Variants in FOXO3 observed in about 807,000 individuals in gnomAD.
The protein encoded by FOXO3 is forkhead box protein O3.
In FOXO3, 4 loss-of-function variants were observed where a neutral mutation model predicts 41.9. The ratio of observed to expected loss-of-function variants is 0.10; its 90% CI spans 0.05 to 0.22. The LOEUF (loss-of-function observed/expected upper bound fraction) is 0.22, where lower values mean the gene tolerates loss of function less well. Among genes scored for constraint, FOXO3 ranks in the 10% least tolerant of loss-of-function variants. The pLI, the probability that FOXO3 is intolerant of heterozygous loss-of-function variation, is 1.00. For missense variants in FOXO3, 534 were observed against 906.8 expected (o/e 0.59, Z 5.28); for synonymous variants, 318 against 389.3 (o/e 0.82, Z 2.16).
intron 1 of FOXO3, among the ~76,000 whole-genome samples, chr6:108,599,721 A>G (rs192828492): frequency 6.6e-6 from 1 of 152,322 alleles, no homozygotes; most frequent in Non-Finnish European, 1.5e-5. Flanking sequence ...GCTTCAGAGT[A>G]AGTATCTGAG....
At chr6:108,661,926 C>A (rs781255581) in intron 1 of FOXO3, among the ~76,000 whole-genome samples, 1 of 152,144 alleles carries the variant, frequency 6.6e-6, no homozygotes, top group African/African-American at 2.4e-5. Flanking sequence ...TTCCCATACA[C>A]CCAATATCAA....
At chr6:108,563,062 GGGGAGCCCTCTGTCTTCCT>G (rs1775859686) in intron 1 of FOXO3, among the ~76,000 whole-genome samples, 1 of 151,982 alleles carries the variant, frequency 6.6e-6, no homozygotes, top group African/African-American at 2.4e-5. Context: ...CATTGTCATT[GGGGAGCCCTCTGTCTTCCT>G]GGGTTTCAGG....
At chr6:108,639,416 T>C (rs1473586766) in intron 1 of FOXO3, 1 of 303,852 alleles carries the variant, frequency 3.3e-6, no homozygotes, top group Non-Finnish European at 4.8e-6. Flanking sequence ...AGAAGCTCAG[T>C]TTGTTGGTCA....
chr6:108,627,092 C>T lies in FOXO3; in HGVS notation c.622-36363C>T, dbSNP rs117266632. On this transcript the variant is annotated intron_variant, in intron 1 of 2. Transcript: ENST00000406360. ...AGGGGAATGAAGCAAGATTTGGCAG[C>T]GCAGCTGCTGTGAGTTTGCTCTCCA... 7.4e-3 allele frequency among the ~76,000 whole-genome samples: 1,121 copies of T among 152,304 alleles called. 41 individuals carry two copies. The highest frequency in any genetic ancestry group is 0.061 in the Admixed American group (933 of 15,300).
intron 2 of FOXO3, among the ~76,000 whole-genome samples, chr6:108,677,192 C>T (rs1474998123): frequency 6.6e-6 from 1 of 152,208 alleles, no homozygotes; most frequent in Non-Finnish European, 1.5e-5. Context: ...ACAGGTGACC[C>T]CAACCCCAAT....
At chr6:108,661,284 C>T (rs546611226) in intron 1 of FOXO3, among the ~76,000 whole-genome samples, 6 of 152,068 alleles carry the variant, frequency 3.9e-5, no homozygotes, top group Non-Finnish European at 8.8e-5. Context: ...GTGTTTGTAT[C>T]TTCTACATGA....
intron 1 of FOXO3, among the ~76,000 whole-genome samples, chr6:108,607,083 G>A (rs552853332): frequency 6.6e-6 from 1 of 152,310 alleles, no homozygotes; most frequent in African/African-American, 2.4e-5. Flanking sequence ...TAACTTGTAT[G>A]TTTTGTCTTT....
chr6:108,603,321 G>C (rs975320787), intron 1 of FOXO3, among the ~76,000 whole-genome samples: 15 of 152,056 alleles, frequency 9.9e-5, no homozygotes, highest in Non-Finnish European at 1.8e-4. Flanking sequence ...GCAGAATCTG[G>C]CATTTCTCTT....
chr6:108,645,569 G>A (rs936596950), intron 1 of FOXO3, among the ~76,000 whole-genome samples: 7 of 151,620 alleles, frequency 4.6e-5, no homozygotes, highest in African/African-American at 1.5e-4. Context: ...ATCCTTAATG[G>A]CCTCCACATG....
intron 1 of FOXO3, among the ~76,000 whole-genome samples, chr6:108,634,750 A>T (rs1011513868): frequency 1.5e-4 from 23 of 152,254 alleles, no homozygotes; most frequent in Non-Finnish European, 2.8e-4. Flanking sequence ...TGATGAGTAC[A>T]TGGGGGTGGG....
rs562778043 is a variant in FOXO3 at position 108,608,955 on chromosome 6, T to C, written c.621+47126T>C. Among the ~76,000 whole-genome samples, 132 of 152,336 alleles carry C rather than the reference T, an allele frequency of 8.7e-4. 1 individual carries two copies. Among genetic ancestry groups the C allele is most frequent in the South Asian group, 3.3e-3 (16 of 4,824 alleles). ...TAATGCTCAGCAGTATAGAACTTGT[T>C]TCCTTTTGTTAACGCTGAGGTTGCT... is the stretch of plus-strand genomic sequence containing the variant. On this transcript the variant is annotated intron_variant, in intron 1 of 2. Transcript: ENST00000406360.
rs1403818583 is a variant in FOXO3, at chr6:108,561,611, C to T, written c.403C>T (p.Pro135Ser). 3 of 1,534,228 alleles carry T rather than the reference C, an allele frequency of 2.0e-6. No individual in the cohort carries two copies. The Admixed American group carries it at 6.1e-5, about 31-fold the overall frequency. The change falls in exon 1 of 3, where the codon CCG becomes TCG. Residue 135 changes from proline to serine, a missense_variant. Pro to Ser is a moderately conservative substitution (Grantham distance 74). Transcript: ENST00000406360. The stretch of plus-strand genomic sequence containing the variant: ...GCTGCAGCCTCAGCAACCGCTGCCA[C>T]CGCCGCAGCCGGGGGCGGCTGGGGG... ...ALLQPQQPLP[P>S]PQPGAAGGSG...
At chr6:108,590,177 C>T (rs1174712702) in intron 1 of FOXO3, among the ~76,000 whole-genome samples, 1 of 151,096 alleles carries the variant, frequency 6.6e-6, no homozygotes, top group African/African-American at 2.4e-5. Flanking sequence ...GTCATGCAGG[C>T]TGGAGTGCAG....
chr6:108,654,554 A>G (rs1404010323), intron 1 of FOXO3, among the ~76,000 whole-genome samples: 1 of 152,116 alleles, frequency 6.6e-6, no homozygotes, highest in Non-Finnish European at 1.5e-5. Flanking sequence ...TGATGATTTT[A>G]TTCTTTTTAT....
intron 1 of FOXO3, among the ~76,000 whole-genome samples, chr6:108,595,929 A>G (rs915762074): frequency 4.6e-5 from 7 of 152,192 alleles, no homozygotes; most frequent in Non-Finnish European, 1.0e-4. Context: ...GAATATTTTG[A>G]GATTCAGTAA....
chr6:108,568,050 A>G (rs1775992897), intron 1 of FOXO3, among the ~76,000 whole-genome samples: 1 of 148,328 alleles, frequency 6.7e-6, no homozygotes, highest in South Asian at 2.1e-4. Context: ...CTCCATCTCA[A>G]AAAAAAAAAA....
At chr6:108,622,938 A>C (rs1178028598) in intron 1 of FOXO3, among the ~76,000 whole-genome samples, 1 of 151,924 alleles carries the variant, frequency 6.6e-6, no homozygotes, top group Admixed American at 6.6e-5. Context: ...TTAGAAAAAA[A>C]AAAAAAAAAA....
At chr6:108,606,809 AT>A (rs1323837481) in intron 1 of FOXO3, among the ~76,000 whole-genome samples, 1 of 152,092 alleles carries the variant, frequency 6.6e-6, no homozygotes, top group Non-Finnish European at 1.5e-5. Flanking sequence ...TATTCTAGCT[AT>A]TTGACCACTG....
At chr6:108,604,712 T>G (rs1396985279) in intron 1 of FOXO3, among the ~76,000 whole-genome samples, 2 of 149,300 alleles carry the variant, frequency 1.3e-5, no homozygotes, top group Non-Finnish European at 3.0e-5. Context: ...GAAGGTTGGG[T>G]TTTTTTTTTC....
Sources: gnomAD v4.1 joint callset for allele counts (sites outside exome capture counted in the v4.1 genomes callset) on GRCh38, gnomAD v4.1.1 for gene constraint, MANE v1.5 for transcripts, NCBI Gene and HGNC (gene_info 2026-07-23, HGNC 2026-07-21) for gene names.